The following ALG10B variants were observed in gnomAD, a reference collection of about 807,000 sequenced individuals.
ALG10B encodes the protein dol-P-Glc:Glc(2)Man(9)GlcNAc(2)-PP-Dol alpha-1,2-glucosyltransferase B.
Under a neutral mutation model 38.7 loss-of-function variants are expected in ALG10B, and 27 were observed. The ratio of observed to expected loss-of-function variants is 0.70; its 90% CI spans 0.51 to 0.96. ALG10B has a LOEUF of 0.96. ALG10B is among the 40% of genes least tolerant of loss of function. ALG10B has a pLI of 0.00. For synonymous variants in ALG10B, 177 were observed against 193.3 expected (o/e 0.92, Z 0.70); for missense variants, 522 against 542.7 (o/e 0.96, Z 0.38).
At position 38,325,236 on chromosome 12, in the gene ALG10B, C is replaced by G. The variant is rs535242489; in HGVS notation, c.*4023C>G. On this transcript the variant is annotated 3_prime_UTR_variant, in exon 3 of 3. Transcript: ENST00000308742. ...TGGCAAGATAAATTATTTTAGCTGT[C>G]TGGCCTTTTCTTTGTCTTCTTAGAG... is the stretch of plus-strand genomic sequence containing the variant. 1 of 152,288 alleles carries G rather than the reference C, an allele frequency of 6.6e-6. No homozygotes were observed. Among genetic ancestry groups the G allele is most frequent in the South Asian group, 2.1e-4 (1 of 4,832 alleles). 9.4% of individuals were successfully genotyped at this position (152,288 alleles called of 1,614,324 possible).
chr12:38,318,534 T>A, intron 2 of ALG10B, 76 bp downstream of exon 2: 1 of 1,458,308 alleles, frequency 6.9e-7, no homozygotes, highest in Non-Finnish European at 9.6e-7. Context: ...TTTATGAGAT[T>A]TGGTGAAAAA....
rs951876471 is a variant in ALG10B at position 38,327,323 on chromosome 12, A to G, written c.*6110A>G. On this transcript the variant is annotated 3_prime_UTR_variant, in exon 3 of 3. Transcript: ENST00000308742. The stretch of plus-strand genomic sequence containing the variant: ...AAACTTAATTCAGTTTAGTTGAACC[A>G]TATATGTGTGTGTATGGCATATATA... 3.9e-5 allele frequency: 6 copies of G among 152,134 alleles called. No individual in the cohort carries two copies. The highest frequency in any genetic ancestry group is 1.4e-4 in the African/African-American group (6 of 41,410). The allele number at this position is 152,134 out of a possible 1,614,324, so 9.4% of individuals were successfully genotyped here.
Position 38,320,992 on chromosome 12 carries a change from A to G in ALG10B, c.1201A>G (p.Ile401Val), listed in dbSNP as rs368402159. ...AATTTTTTGGAATTTAATGTTTTTC[A>G]TATGCTTGTTCATTGTTATAGTTCC... ...KPIFWNLMFFICLFIVIVPQK... is the reference protein window; with the variant it reads ...KPIFWNLMFFVCLFIVIVPQK... Residue 401 changes from isoleucine (I) to valine (V), a missense_variant, in exon 3 of 3, where the codon ATA becomes GTA. Ile to Val is a conservative substitution (Grantham distance 29). Transcript: ENST00000308742. 17 of 1,613,098 alleles carry G rather than the reference A, an allele frequency of 1.1e-5. No individual in the cohort carries two copies. In the African/African-American group the frequency reaches 1.1e-4, roughly 10 times the overall value.
rs1326258671 is a variant in ALG10B, at chr12:38,325,807, G to C, written c.*4594G>C. The C allele has an allele frequency of 6.6e-6, 1 of 151,918 alleles. No individual in the cohort carries two copies. The highest frequency in any genetic ancestry group is 2.4e-5 in the African/African-American group (1 of 41,332). 9.4% of individuals were successfully genotyped at this position (151,918 alleles called of 1,614,324 possible). ...TCCTAACTCTAGTCAGTGTCTGATT[G>C]GTATGTGTATAACCTTATTTTAAAA... On this transcript the variant is annotated 3_prime_UTR_variant, in exon 3 of 3. Coordinates refer to ENST00000308742, the MANE Select transcript of ALG10B (RefSeq NM_001013620.4).
At position 38,317,334 on chromosome 12, in the gene ALG10B, C is replaced by T. The variant is rs1343649432; in HGVS notation, c.171+270C>T. The T allele has an allele frequency of 1.7e-5, 9 of 539,534 alleles. No homozygotes were observed. The Admixed American group carries it at 2.7e-4, about 16-fold the overall frequency. The allele number at this position is 539,534 out of a possible 1,614,324, so 33.4% of individuals were successfully genotyped here. On this transcript the variant is annotated intron_variant, in intron 1 of 2. Transcript: ENST00000308742. Reference sequence around the variant, plus strand: ...ACTGAGCGCTCCTCTTGGCAGCTGACAATATCGATCCCACTTTGTTTTTCC... The same window carrying T: ...ACTGAGCGCTCCTCTTGGCAGCTGATAATATCGATCCCACTTTGTTTTTCC...
rs1392955868 is a variant in ALG10B at position 38,316,777 on chromosome 12, G to T, written c.-117G>T. The T allele has an allele frequency of 1.7e-5, 27 of 1,554,732 alleles. No homozygotes were observed. Among genetic ancestry groups the T allele is most frequent in the Non-Finnish European group, 2.2e-5 (25 of 1,129,984 alleles). On this transcript the variant is annotated 5_prime_UTR_variant, in exon 1 of 3. Transcript: ENST00000308742. ...AGCATCCTTTGCCTTCCGGTATGTG[G>T]CCCCGTCTGGCTAGTCCTGTCTAGC...
rs1425264784 is a variant in ALG10B, at chr12:38,323,722, G to C, written c.*2509G>C. ...ATCGGCATTAGTTATAACAGTGATT[G>C]TAGAAAAACGTGTTTTACCCAGACT... is the stretch of plus-strand genomic sequence containing the variant. On this transcript the variant is annotated 3_prime_UTR_variant, in exon 3 of 3. Transcript: ENST00000308742. 5 of 593,048 alleles carry C rather than the reference G, an allele frequency of 8.4e-6. No individual in the cohort carries two copies. The highest frequency in any genetic ancestry group is 1.2e-5 in the Non-Finnish European group (4 of 335,928). The allele number at this position is 593,048 out of a possible 1,614,324, so 36.7% of individuals were successfully genotyped here. A position where few individuals can be genotyped will look rare whatever the true frequency, so the allele number is the denominator to read the frequency against.
rs113547140 is a variant in ALG10B, at chr12:38,324,266, T to G, written c.*3053T>G. 0.021 allele frequency: 4,561 copies of G among 217,502 alleles called. 223 individuals carry two copies. The highest frequency in any genetic ancestry group is 0.094 in the African/African-American group (4,124 of 43,750). 13.5% of individuals were successfully genotyped at this position (217,502 alleles called of 1,614,324 possible). A position where few individuals can be genotyped will look rare whatever the true frequency, so the allele number is the denominator to read the frequency against. ...CCAGGCTGGTCTCGAACTCCTGACC[T>G]CAGGTAATCCACCTGCCTCGCCTCC... On this transcript the variant is annotated 3_prime_UTR_variant, in exon 3 of 3. Coordinates refer to ENST00000308742, the MANE Select transcript of ALG10B (RefSeq NM_001013620.4).
At position 38,318,319 on chromosome 12, in the gene ALG10B, A is replaced by G. The variant is rs755173877; in HGVS notation, c.230A>G (p.Lys77Arg). 1.4e-5 allele frequency: 22 copies of G among 1,614,070 alleles called. No individual in the cohort carries two copies. The highest frequency in any genetic ancestry group is 1.1e-4 in the South Asian group (10 of 91,082). ...TACCTGGTGTCAGTTGGAGTGGTCA[A>G]ACCTGCCATTTGGATCTTTGCATGG... The part of the protein sequence containing the change: ...GLYLVSVGVV[K>R]PAIWIFAWSE... Residue 77 changes from lysine to arginine, a missense_variant, in exon 2 of 3, where the codon AAA (lysine) becomes AGA (arginine). Lys to Arg is a conservative substitution (Grantham distance 26). Coordinates refer to ENST00000308742, the MANE Select transcript of ALG10B (RefSeq NM_001013620.4).
rs1945707898 is a variant in ALG10B, at chr12:38,321,869, C to A, written c.*656C>A. ...AATGATGAAGCTCTTTCACTAATTC[C>A]TAATATGAAATGTATGATGGCCAAA... On this transcript the variant is annotated 3_prime_UTR_variant, in exon 3 of 3. Transcript: ENST00000308742. 6.6e-6 allele frequency: 1 copy of A among 152,340 alleles called. No individual in the cohort carries two copies. The highest frequency in any genetic ancestry group is 6.6e-5 in the Admixed American group (1 of 15,262). The allele number at this position is 152,340 out of a possible 1,614,324, so 9.4% of individuals were successfully genotyped here. A position where few individuals can be genotyped will look rare whatever the true frequency, so the allele number is the denominator to read the frequency against.
At position 38,321,335 on chromosome 12, in the gene ALG10B, T is replaced by C; in HGVS notation, c.*122T>C. 1.0e-6 allele frequency: 1 copy of C among 968,768 alleles called. No homozygotes were observed. The highest frequency in any genetic ancestry group is 2.8e-5 in the East Asian group (1 of 36,350). 60.0% of individuals were successfully genotyped at this position (968,768 alleles called of 1,614,324 possible). The stretch of plus-strand genomic sequence containing the variant: ...GTGCAGTGGTGGTCCTCAAATTACA[T>C]TAGTTTTTTTAATATATATTTTAAA... On this transcript the variant is annotated 3_prime_UTR_variant, in exon 3 of 3. Coordinates refer to ENST00000308742, the MANE Select transcript of ALG10B (RefSeq NM_001013620.4).
In ALG10B at chr12:38,320,468, C is replaced by G. The variant is rs772510758; in HGVS notation, c.677C>G (p.Pro226Arg). ...KEDRLPPIKG[P>R]FAEFRKILQF... The stretch of plus-strand genomic sequence containing the variant: ...GACAGACTTCCACCTATTAAAGGAC[C>G]ATTTGCAGAATTCAGAAAAATTCTT... The change falls in exon 3 of 3, where the codon CCA (proline) becomes CGA (arginine). Residue 226 changes from proline to arginine, a missense_variant. By Grantham distance (103) the Pro-to-Arg change is moderately radical. Transcript: ENST00000308742. The G allele has an allele frequency of 5.0e-6, 8 of 1,613,872 alleles. No homozygotes were observed. The Admixed American group carries it at 6.7e-5, about 13-fold the overall frequency.
rs745777753 is a variant in ALG10B at position 38,320,989 on chromosome 12, T to G, written c.1198T>G (p.Phe400Val). Residue 400 changes from phenylalanine to valine, a missense_variant, in exon 3 of 3, where the codon TTC (phenylalanine) becomes GTC (valine). Physicochemically the swap from Phe to Val is conservative, Grantham distance 50. Transcript: ENST00000308742. ...SKPIFWNLMF[F>V]ICLFIVIVPQ... Reference sequence around the variant, plus strand: ...GCCAATTTTTTGGAATTTAATGTTTTTCATATGCTTGTTCATTGTTATAGT... The same window carrying G: ...GCCAATTTTTTGGAATTTAATGTTTGTCATATGCTTGTTCATTGTTATAGT... 1 of 1,613,288 alleles carries G rather than the reference T, an allele frequency of 6.2e-7. No homozygotes were observed. The highest frequency in any genetic ancestry group is 1.1e-5 in the South Asian group (1 of 90,854).
At position 38,320,151 on chromosome 12, in the gene ALG10B, T is replaced by G. The variant is rs1345339520; in HGVS notation, c.370-10T>G. ...AAAATAATTGTATCTGTGTTTTTTC[T>G]TCCTCCAAGGCTGCCTCAAGTATCC... On this transcript the variant is annotated splice_polypyrimidine_tract_variant and intron_variant, in intron 2 of 2. Coordinates refer to ENST00000308742, the MANE Select transcript of ALG10B (RefSeq NM_001013620.4). The G allele has an allele frequency of 6.2e-7, 1 of 1,613,930 alleles. No individual in the cohort carries two copies. The highest frequency in any genetic ancestry group is 1.1e-5 in the South Asian group (1 of 91,054).
intron 1 of ALG10B, 125 bp downstream of exon 1, chr12:38,317,189 G>T: frequency 2.2e-6 from 3 of 1,334,950 alleles, no homozygotes; most frequent in East Asian, 4.7e-5. Flanking sequence ...GAACATGAAA[G>T]AAACTGGGTA....
chr12:38,317,569 A>G (rs1945666568), intron 1 of ALG10B: 1 of 177,552 alleles, frequency 5.6e-6, no homozygotes, highest in Admixed American at 5.4e-5. Flanking sequence ...TAAACTGGCA[A>G]CCAGTCAAGT....
Position 38,318,317 on chromosome 12 carries a change from CAA to C in ALG10B, c.230_231del (p.Lys77ThrfsTer10), listed in dbSNP as rs764618741. The C allele has an allele frequency of 6.2e-7, 1 of 1,614,128 alleles. No individual in the cohort carries two copies. Among genetic ancestry groups the C allele is most frequent in the South Asian group, 1.1e-5 (1 of 91,072 alleles). ...GLYLVSVGVV[K>X]PAIWIFAWSE... The stretch of plus-strand genomic sequence containing the variant: ...TGTACCTGGTGTCAGTTGGAGTGGT[CAA>C]ACCTGCCATTTGGATCTTTGCATGG... On this transcript the variant is annotated frameshift_variant, in exon 2 of 3. Transcript: ENST00000308742. LOFTEE classifies it high-confidence loss of function.
At position 38,321,442 on chromosome 12, in the gene ALG10B, G is replaced by A; in HGVS notation, c.*229G>A. 2.6e-6 allele frequency: 1 copy of A among 386,338 alleles called. No homozygotes were observed. The highest frequency in any genetic ancestry group is 4.5e-6 in the Non-Finnish European group (1 of 220,504). 23.9% of individuals were successfully genotyped at this position (386,338 alleles called of 1,614,324 possible). On this transcript the variant is annotated 3_prime_UTR_variant, in exon 3 of 3. Coordinates refer to ENST00000308742, the MANE Select transcript of ALG10B (RefSeq NM_001013620.4). Reference sequence around the variant, plus strand: ...GCCTGAATAATGGGAAAATAAAATTGTTTTCAGATATCTCATATCGCTCTC... The same window carrying A: ...GCCTGAATAATGGGAAAATAAAATTATTTTCAGATATCTCATATCGCTCTC...
At chr12:38,318,529 G>A (rs1480553395) in intron 2 of ALG10B, 71 bp downstream of exon 2, 1 of 1,454,924 alleles carries the variant, frequency 6.9e-7, no homozygotes, top group Non-Finnish European at 9.6e-7. Context: ...TTAGTTTTAT[G>A]AGATTTGGTG....
Sources: gnomAD v4.1 joint callset for allele counts on GRCh38, gnomAD v4.1.1 for gene constraint, MANE v1.5 for transcripts, NCBI Gene and HGNC (gene_info 2026-07-23, HGNC 2026-07-21) for gene names.